PMP2: variants seen among roughly 807,000 people sequenced by gnomAD.
The protein encoded by PMP2 is peripheral myelin protein 2, also known as myelin P2 protein.
Under a neutral mutation model 15.9 loss-of-function variants are expected in PMP2, and 11 were observed. The ratio of observed to expected loss-of-function variants is 0.69; its 90% CI spans 0.44 to 1.14. PMP2 has a LOEUF of 1.14. Among genes scored for constraint, PMP2 ranks in the 50% most tolerant of loss-of-function variants. PMP2 has a pLI of 0.00. For synonymous variants in PMP2, 55 were observed against 54.1 expected (o/e 1.02, Z -0.07); for missense variants, 151 against 154.0 (o/e 0.98, Z 0.10).
At chr8:81,447,225 C>T (rs1404546006) in intron 1 of PMP2, 89 bp downstream of exon 1, 1 of 930,872 alleles carries the variant, frequency 1.1e-6, no homozygotes, top group African/African-American at 1.6e-5. Flanking sequence ...CAAAACTCCC[C>T]AGTATCCTGT....
intron 3 of PMP2, among the ~76,000 whole-genome samples, chr8:81,444,237 C>A (rs1807404208): frequency 1.3e-5 from 2 of 152,128 alleles, no homozygotes; most frequent in African/African-American, 4.8e-5. Flanking sequence ...TAAGATTTAC[C>A]TATACTTTCT....
rs565462220 is a variant in PMP2 at position 81,440,941 on chromosome 8, T to A, written c.*2457A>T. 3.1e-4 allele frequency: 47 copies of A among 152,334 alleles called. No homozygotes were observed. Among genetic ancestry groups the A allele is most frequent in the African/African-American group, 1.1e-3 (44 of 41,576 alleles). 9.4% of individuals were successfully genotyped at this position (152,334 alleles called of 1,614,324 possible). ...ATCTGATTGACTGTCTATATTCCAA[T>A]TTGCCAGTTGACCTAACATTGTCCT... is the stretch of plus-strand genomic sequence containing the variant. On this transcript the variant is annotated 3_prime_UTR_variant, in exon 4 of 4. Coordinates refer to ENST00000256103, the MANE Select transcript of PMP2 (RefSeq NM_002677.5).
At position 81,441,762 on chromosome 8, in the gene PMP2, C is replaced by G. The variant is rs547349987; in HGVS notation, c.*1636G>C. The G allele has an allele frequency of 6.6e-6, 1 of 151,954 alleles. No homozygotes were observed. The highest frequency in any genetic ancestry group is 1.5e-5 in the Non-Finnish European group (1 of 67,928). The allele number at this position is 151,954 out of a possible 1,614,324, so 9.4% of individuals were successfully genotyped here. On this transcript the variant is annotated 3_prime_UTR_variant, in exon 4 of 4. Transcript: ENST00000256103. ...CAAGTTTGGCCAGTGGGAGCCCCTT[C>G]AAGCTGGCTCTATGTTTTGGCAATA...
In PMP2 at chr8:81,442,183, C is replaced by G. The variant is rs1463206747; in HGVS notation, c.*1215G>C. On this transcript the variant is annotated 3_prime_UTR_variant, in exon 4 of 4. Coordinates refer to ENST00000256103, the MANE Select transcript of PMP2 (RefSeq NM_002677.5). ...TTTCCACATGGTTCTTTCTTGCCTT[C>G]CCTCATTTCATATTTGTATATTTGT... The G allele has an allele frequency of 1.3e-5, 2 of 152,164 alleles. No individual in the cohort carries two copies. Among genetic ancestry groups the G allele is most frequent in the African/African-American group, 2.4e-5 (1 of 41,420 alleles). 9.4% of individuals were successfully genotyped at this position (152,164 alleles called of 1,614,324 possible).
intron 1 of PMP2, among the ~76,000 whole-genome samples, chr8:81,446,708 G>A (rs1320766631): frequency 1.3e-5 from 2 of 152,312 alleles, no homozygotes; most frequent in Non-Finnish European, 2.9e-5. Flanking sequence ...AACGTCTGAT[G>A]TTAGCGAAAT....
intron 1 of PMP2, among the ~76,000 whole-genome samples, chr8:81,446,614 G>A (rs1400957320): frequency 6.6e-6 from 1 of 152,120 alleles, no homozygotes; most frequent in African/African-American, 2.4e-5. Context: ...ATATCGATGG[G>A]ACATACTCTA....
At chr8:81,444,368 C>A in intron 3 of PMP2, 132 bp downstream of exon 3, 1 of 589,772 alleles carries the variant, frequency 1.7e-6, no homozygotes, top group Non-Finnish European at 2.9e-6. Context: ...ATCACTGAAG[C>A]ATTAACTCTT....
intron 3 of PMP2, among the ~76,000 whole-genome samples, chr8:81,444,163 C>G (rs151005325): frequency 0.016 from 2,450 of 152,286 alleles, 64 homozygotes; most frequent in African/African-American, 0.056. Context: ...ACAAAATACA[C>G]CTTGCAGAGA....
chr8:81,445,776 A>G (rs1807438939), intron 1 of PMP2, among the ~76,000 whole-genome samples: 1 of 152,264 alleles, frequency 6.6e-6, no homozygotes, highest in African/African-American at 2.4e-5. Context: ...TATTCCCCTC[A>G]TATTTTTGAT....
intron 3 of PMP2, among the ~76,000 whole-genome samples, chr8:81,443,924 C>T (rs1312001835): frequency 6.6e-6 from 1 of 152,062 alleles, no homozygotes; most frequent in Non-Finnish European, 1.5e-5. Flanking sequence ...AATCTATTTA[C>T]ATTCAATGTA....
intron 1 of PMP2, among the ~76,000 whole-genome samples, chr8:81,445,973 A>C (rs568282253): frequency 6.0e-4 from 91 of 152,194 alleles, no homozygotes; most frequent in African/African-American, 2.0e-3. Flanking sequence ...TATTACCAAG[A>C]CTATAAAATA....
At position 81,444,500 on chromosome 8, in the gene PMP2, C is replaced by G; in HGVS notation, c.348G>C (p.Ala116=). The change falls in exon 3 of 4, where the codon GCG becomes GCC. Residue 116 remains alanine (A), a splice_region_variant and synonymous_variant. Transcript: ENST00000256103. ...KRKLVNGKMV[A]ECKMKGVVCT... ...TATTTAGAAGTAAAGATACTCTTAC[C>G]GCTACCATTTTCCCATTCACTAGCT... is the stretch of plus-strand genomic sequence containing the variant. 2 of 1,585,488 alleles carry G rather than the reference C, an allele frequency of 1.3e-6. No individual in the cohort carries two copies. The highest frequency in any genetic ancestry group is 1.7e-6 in the Non-Finnish European group (2 of 1,154,696).
intron 1 of PMP2, among the ~76,000 whole-genome samples, chr8:81,447,094 T>C (rs1380667818): frequency 1.3e-5 from 2 of 152,192 alleles, no homozygotes; most frequent in Non-Finnish European, 2.9e-5. Flanking sequence ...ATTCCATGCA[T>C]TTAAGCAGCT....
chr8:81,447,138 A>G (rs1478316264), intron 1 of PMP2, among the ~76,000 whole-genome samples, 176 bp downstream of exon 1: 3 of 152,210 alleles, frequency 2.0e-5, no homozygotes, highest in Admixed American at 6.5e-5. Flanking sequence ...AAAAATTACC[A>G]CAAATAAAAT....
chr8:81,445,019 T>C, intron 1 of PMP2, 30 bp from the exon 2 acceptor site: 2 of 1,599,860 alleles, frequency 1.3e-6, no homozygotes, highest in East Asian at 4.5e-5. Flanking sequence ...TAGAATTATG[T>C]TGACCAAGAG....
At chr8:81,443,486 C>G (rs1484859719) in intron 3 of PMP2, 38 bp from the exon 4 acceptor site, 1 of 1,308,406 alleles carries the variant, frequency 7.6e-7, no homozygotes, top group African/African-American at 1.5e-5. Flanking sequence ...ATCTCAAGTT[C>G]AAACCAGAGA....
intron 3 of PMP2, 34 bp from the exon 4 acceptor site, chr8:81,443,482 A>T: frequency 7.3e-7 from 1 of 1,363,110 alleles, no homozygotes; most frequent in Non-Finnish European, 1.0e-6. Flanking sequence ...GAGTATCTCA[A>T]GTTCAAACCA....
chr8:81,444,689 G>A, intron 2 of PMP2, 88 bp from the exon 3 acceptor site: 1 of 1,336,786 alleles, frequency 7.5e-7, no homozygotes, highest in Non-Finnish European at 1.1e-6. Flanking sequence ...TTTCATAATA[G>A]ATATAGATGT....
intron 1 of PMP2, among the ~76,000 whole-genome samples, chr8:81,447,065 G>T (rs1297448347): frequency 6.6e-6 from 1 of 152,124 alleles, no homozygotes. Context: ...GTATGAAATT[G>T]CCCTTGAAAT....
Sources: gnomAD v4.1 joint callset for allele counts (sites outside exome capture counted in the v4.1 genomes callset) on GRCh38, gnomAD v4.1.1 for gene constraint, MANE v1.5 for transcripts, NCBI Gene and HGNC (gene_info 2026-07-23, HGNC 2026-07-21) for gene names.